Variants in EXT1 observed in about 807,000 individuals in gnomAD.
The protein encoded by EXT1 is exostosin glycosyltransferase 1, also known as exostosin-1.
A neutral mutation model predicts 82.5 loss-of-function variants in EXT1; 20 were observed. The ratio of observed to expected loss-of-function variants is 0.24; its 90% confidence interval spans 0.17 to 0.35. The LOEUF is 0.35. Among genes scored for constraint, EXT1 ranks in the 10% least tolerant of loss-of-function variants. EXT1 has a pLI of 1.00. For synonymous variants in EXT1, 348 were observed against 350.8 expected (o/e 0.99, Z 0.09); for missense variants, 757 against 936.5 (o/e 0.81, Z 2.50).
intron 1 of EXT1, among the ~76,000 whole-genome samples, chr8:117,927,257 G>GA (rs533546408): frequency 0.018 from 2,710 of 149,828 alleles, 30 homozygotes; most frequent in Middle Eastern, 0.048. Flanking sequence ...AGGTTTTTTG[G>GA]AAAAAAAAAG....
chr8:117,871,392 G>A (rs976095554), intron 1 of EXT1, among the ~76,000 whole-genome samples: 2 of 152,220 alleles, frequency 1.3e-5, no homozygotes, highest in African/African-American at 2.4e-5. Flanking sequence ...AAGCCTGTAA[G>A]AAGACTTTAT....
intron 1 of EXT1, among the ~76,000 whole-genome samples, chr8:118,056,148 C>T (rs1816790699): frequency 6.6e-6 from 1 of 152,196 alleles, no homozygotes; most frequent in African/African-American, 2.4e-5. Flanking sequence ...GCATTCAAAG[C>T]CATTCTGTGC....
chr8:117,868,336 A>G (rs1812810027), intron 1 of EXT1, among the ~76,000 whole-genome samples: 1 of 152,240 alleles, frequency 6.6e-6, no homozygotes, highest in South Asian at 2.1e-4. Context: ...ATGTGATCTA[A>G]GTATAAGCCA....
intron 1 of EXT1, among the ~76,000 whole-genome samples, chr8:117,845,587 T>C (rs1479740452): frequency 6.6e-6 from 1 of 151,982 alleles, no homozygotes; most frequent in African/African-American, 2.4e-5. Flanking sequence ...AGATAGCTAT[T>C]AATAACAACT....
chr8:118,102,705 G>A (rs1420750814), intron 1 of EXT1, among the ~76,000 whole-genome samples: 2 of 152,202 alleles, frequency 1.3e-5, no homozygotes, highest in Non-Finnish European at 1.5e-5. Context: ...ATATGTGCTA[G>A]AATAGACTGA....
intron 1 of EXT1, among the ~76,000 whole-genome samples, chr8:117,978,276 C>G (rs1395100505): frequency 6.6e-6 from 1 of 152,168 alleles, no homozygotes; most frequent in Admixed American, 6.5e-5. Context: ...TCTGAACAAC[C>G]ACATTCTGGC....
intron 1 of EXT1, among the ~76,000 whole-genome samples, chr8:117,845,233 C>T (rs1432834210): frequency 6.6e-6 from 1 of 152,198 alleles, no homozygotes; most frequent in Non-Finnish European, 1.5e-5. Context: ...ATGACAGCCT[C>T]ACAACCACTG....
At chr8:117,964,522 G>T (rs11562736) in intron 1 of EXT1, among the ~76,000 whole-genome samples, 1 of 152,212 alleles carries the variant, frequency 6.6e-6, no homozygotes, top group Non-Finnish European at 1.5e-5. Context: ...AACCACAGGA[G>T]TCAAAAGAGC....
chr8:117,802,629 C>T (rs1823185180), intron 10 of EXT1, among the ~76,000 whole-genome samples: 2 of 152,260 alleles, frequency 1.3e-5, no homozygotes, highest in African/African-American at 4.8e-5. Flanking sequence ...ATGACAAGAT[C>T]ACCAAATGAT....
At chr8:118,019,134 T>G (rs1023539033) in intron 1 of EXT1, among the ~76,000 whole-genome samples, 2 of 152,004 alleles carry the variant, frequency 1.3e-5, no homozygotes, top group Admixed American at 1.3e-4. Flanking sequence ...AATAAGTTGG[T>G]ACAATGTGAG....
At position 117,905,560 on chromosome 8, in the gene EXT1, C is replaced by G. The variant is rs1015807412; in HGVS notation, c.963-68359G>C. On this transcript the variant is annotated intron_variant, in intron 1 of 10. Transcript: ENST00000378204. Reference sequence around the variant, plus strand: ...AGGCGTGGTGGCTCACGCCTGTAATCCCAGCACTTTGGGAGGCCGAGGCGG... The same window carrying G: ...AGGCGTGGTGGCTCACGCCTGTAATGCCAGCACTTTGGGAGGCCGAGGCGG... Among the ~76,000 whole-genome samples, 3 of 152,242 alleles carry G rather than the reference C, an allele frequency of 2.0e-5. No individual in the cohort carries two copies. The East Asian group carries it at 5.8e-4, about 30-fold the overall frequency.
chr8:117,965,419 A>C (rs1315180674), intron 1 of EXT1, among the ~76,000 whole-genome samples: 1 of 152,148 alleles, frequency 6.6e-6, no homozygotes, highest in African/African-American at 2.4e-5. Context: ...AAATATTTCC[A>C]TTTAGTGTTT....
chr8:117,972,179 A>AG (rs1207768520), intron 1 of EXT1, among the ~76,000 whole-genome samples: 1 of 151,768 alleles, frequency 6.6e-6, no homozygotes, highest in African/African-American at 2.4e-5. Flanking sequence ...AAGAAAAAAA[A>AG]GAAAAATGAA....
chr8:118,090,927 G>GCATGGCAT (rs1454331117), intron 1 of EXT1, among the ~76,000 whole-genome samples: 2 of 151,904 alleles, frequency 1.3e-5, no homozygotes, highest in African/African-American at 4.8e-5. Context: ...GGTTGGCTGA[G>GCATGGCAT]CATGGCATGC....
chr8:117,802,099 T>C (rs1162914809), intron 10 of EXT1, among the ~76,000 whole-genome samples: 1 of 152,180 alleles, frequency 6.6e-6, no homozygotes, highest in South Asian at 2.1e-4. Flanking sequence ...TAAATTAATG[T>C]GTATGATGGA....
intron 10 of EXT1, among the ~76,000 whole-genome samples, chr8:117,803,286 C>G (rs1460104180): frequency 6.6e-6 from 1 of 152,058 alleles, no homozygotes; most frequent in Non-Finnish European, 1.5e-5. Flanking sequence ...CCTCTGCCTT[C>G]CAGTTTCAAG....
In EXT1 at chr8:117,822,594, T is replaced by A. The variant is rs2129749685; in HGVS notation, c.1288A>T (p.Ile430Phe). Reference protein sequence around the residue: ...EKIVLTTLEIIQDRIFKHISR... With the variant: ...EKIVLTTLEIFQDRIFKHISR... The stretch of plus-strand genomic sequence containing the variant: ...ATGTGCTTGAATATTCTGTCCTGAA[T>A]AATCTAGAAAATAAAACATAGCACA... The change falls in exon 5 of 11, where the codon ATT (isoleucine) becomes TTT (phenylalanine). Residue 430 changes from isoleucine to phenylalanine, a missense_variant. Transcript: ENST00000378204. 1.2e-6 allele frequency: 2 copies of A among 1,612,652 alleles called. No homozygotes were observed. The highest frequency in any genetic ancestry group is 1.1e-5 in the South Asian group (1 of 91,070).
chr8:117,984,178 G>C (rs1303590653), intron 1 of EXT1, among the ~76,000 whole-genome samples: 3 of 152,184 alleles, frequency 2.0e-5, no homozygotes, highest in Non-Finnish European at 4.4e-5. Context: ...CAGCACTTTG[G>C]GAGACTGAGG....
At chr8:118,053,330 A>G (rs1252444636) in intron 1 of EXT1, among the ~76,000 whole-genome samples, 1 of 152,154 alleles carries the variant, frequency 6.6e-6, no homozygotes, top group East Asian at 1.9e-4. Flanking sequence ...GTTCCTTTAC[A>G]GCACACCACG....
Sources: gnomAD v4.1 joint callset for allele counts (sites outside exome capture counted in the v4.1 genomes callset) on GRCh38, gnomAD v4.1.1 for gene constraint, MANE v1.5 for transcripts, NCBI Gene and HGNC (gene_info 2026-07-23, HGNC 2026-07-21) for gene names.